Variants in DOCK9 observed in about 807,000 individuals in gnomAD.
DOCK9 encodes the protein dedicator of cytokinesis 9, also known as dedicator of cytokinesis protein 9.
A neutral mutation model predicts 263.3 loss-of-function variants in DOCK9; 89 were observed. The ratio of observed to expected loss-of-function variants is 0.34; its 90% CI spans 0.28 to 0.40. The LOEUF (loss-of-function observed/expected upper bound fraction) is 0.40, where lower values mean the gene tolerates loss of function less well. Among genes scored for constraint, DOCK9 ranks in the 10% least tolerant of loss-of-function variants. The pLI is 1.00. For missense variants in DOCK9, 2,140 were observed against 2,603.4 expected (o/e 0.82, Z 3.87); for synonymous variants, 976 against 973.1 (o/e 1.00, Z -0.06).
intron 1 of DOCK9, among the ~76,000 whole-genome samples, chr13:99,050,299 T>C (rs1331598186): frequency 6.6e-6 from 1 of 152,160 alleles, no homozygotes; most frequent in African/African-American, 2.4e-5. Flanking sequence ...GCAAAACCAC[T>C]TCCCCTTGCA....
chr13:98,974,986 A>C (rs2060095737), intron 1 of DOCK9, among the ~76,000 whole-genome samples: 1 of 152,206 alleles, frequency 6.6e-6, no homozygotes, highest in Admixed American at 6.5e-5. Flanking sequence ...ACTTACAGGT[A>C]CATTTATGGT....
In DOCK9 at chr13:98,894,281, T is replaced by C. The variant is rs140365652; in HGVS notation, c.1709+3207A>G. Among the ~76,000 whole-genome samples the C allele has an allele frequency of 3.9e-4, 60 of 152,298 alleles. No homozygotes were observed. The East Asian group carries it at 0.01, about 25-fold the overall frequency. On this transcript the variant is annotated intron_variant, in intron 15 of 52. Coordinates refer to ENST00000682017, the MANE Select transcript of DOCK9 (RefSeq NM_001366683.2). Reference sequence around the variant, plus strand: ...TTGTTTTGTCTGAATATAAAAGTGTTAGTTTTTTAAAAGTTCATATAAAAA... The same window carrying C: ...TTGTTTTGTCTGAATATAAAAGTGTCAGTTTTTTAAAAGTTCATATAAAAA...
intron 1 of DOCK9, among the ~76,000 whole-genome samples, chr13:99,054,088 C>A (rs923263873): frequency 2.0e-5 from 3 of 152,166 alleles, no homozygotes; most frequent in African/African-American, 7.2e-5. Context: ...CACTGTAAGA[C>A]ACTGCAATTC....
At chr13:98,884,822 G>T in intron 21 of DOCK9, 149 bp downstream of exon 21, 1 of 1,024,760 alleles carries the variant, frequency 9.8e-7, no homozygotes, top group Non-Finnish European at 1.4e-6. Flanking sequence ...GTCTTCAATT[G>T]GCCAAAGTTT....
intron 1 of DOCK9, among the ~76,000 whole-genome samples, chr13:99,080,582 C>G (rs998938991): frequency 6.6e-6 from 1 of 152,236 alleles, no homozygotes; most frequent in Non-Finnish European, 1.5e-5. Flanking sequence ...CCGCTCTGCT[C>G]CTTCTTGGTC....
At chr13:99,029,187 A>G (rs1419855081) in intron 1 of DOCK9, among the ~76,000 whole-genome samples, 5 of 152,200 alleles carry the variant, frequency 3.3e-5, no homozygotes, top group Non-Finnish European at 7.3e-5. Flanking sequence ...TTACAGAACC[A>G]GCCTTGTTAC....
intron 1 of DOCK9, chr13:99,015,856 C>T: frequency 9.7e-7 from 1 of 1,033,612 alleles, no homozygotes; most frequent in Non-Finnish European, 1.2e-6. Flanking sequence ...ACCTCGGATG[C>T]ACCAAACCTT....
chr13:98,882,971 C>T, intron 23 of DOCK9, 71 bp downstream of exon 23: 1 of 1,310,412 alleles, frequency 7.6e-7, no homozygotes, highest in Non-Finnish European at 1.1e-6. Flanking sequence ...GAACACCACT[C>T]ACCACCAAAG....
At chr13:98,833,085 T>A (rs1056101138) in intron 39 of DOCK9, 1 of 152,092 alleles carries the variant, frequency 6.6e-6, no homozygotes, top group African/African-American at 2.4e-5. Context: ...AGGTACCATA[T>A]TGAATTCCGT....
rs914869717 is a variant in DOCK9 at position 98,794,534 on chromosome 13, C to T, written c.*92G>A. The T allele has an allele frequency of 1.1e-5, 15 of 1,394,488 alleles. No individual in the cohort carries two copies. In the African/African-American group the frequency reaches 1.7e-4, roughly 16 times the overall value. 86.4% of individuals were successfully genotyped at this position (1,394,488 alleles called of 1,614,324 possible). ...TCTCTCCCCTTCCCCTTGGTCCTCC[C>T]TGTGCTCGGTCTCCCCAGTGATTGG... On this transcript the variant is annotated 3_prime_UTR_variant, in exon 53 of 53. Transcript: ENST00000682017.
At chr13:98,887,550 T>A (rs1268054921) in intron 18 of DOCK9, among the ~76,000 whole-genome samples, 2 of 135,448 alleles carry the variant, frequency 1.5e-5, no homozygotes, top group Middle Eastern at 4.3e-3. Context: ...TGGGAGGCAG[T>A]GCTTGCAGTG....
chr13:98,810,603 G>T (rs2091217444), intron 45 of DOCK9, among the ~76,000 whole-genome samples: 1 of 152,144 alleles, frequency 6.6e-6, no homozygotes, highest in Admixed American at 6.5e-5. Flanking sequence ...CTCAATTTTT[G>T]TTCCTAGTTG....
intron 1 of DOCK9, among the ~76,000 whole-genome samples, chr13:99,028,828 C>T (rs760378043): frequency 2.0e-5 from 3 of 152,134 alleles, no homozygotes; most frequent in African/African-American, 4.8e-5. Context: ...TTCTGTTAGA[C>T]GAAAAGAAAG....
At chr13:98,914,288 C>T (rs376617211) in intron 9 of DOCK9, 40 bp downstream of exon 9, 320 of 1,539,312 alleles carry the variant, frequency 2.1e-4, no homozygotes, top group Middle Eastern at 6.7e-4. Flanking sequence ...CATACTTCAA[C>T]AGCATTCAAC....
In DOCK9 at chr13:98,845,907, C is replaced by A; in HGVS notation, c.4198+17G>T. On this transcript the variant is annotated intron_variant, in intron 38 of 52. Transcript: ENST00000682017. ...ATGAGATGGCTGGCTGTTACGATGGCATGTCATGGGACTTACTGTGGTTAA... is the reference window on the plus strand; with the variant it reads ...ATGAGATGGCTGGCTGTTACGATGGAATGTCATGGGACTTACTGTGGTTAA... 1 of 1,612,166 alleles carries A rather than the reference C, an allele frequency of 6.2e-7. No individual in the cohort carries two copies. Among genetic ancestry groups the A allele is most frequent in the East Asian group, 2.2e-5 (1 of 44,840 alleles).
intron 1 of DOCK9, among the ~76,000 whole-genome samples, chr13:99,015,244 T>C (rs1217387398): frequency 6.6e-6 from 1 of 152,234 alleles, no homozygotes; most frequent in Non-Finnish European, 1.5e-5. Context: ...TCTCTGTATG[T>C]ATTTAGCTTT....
At chr13:98,806,617 T>C (rs1449543491) in intron 48 of DOCK9, among the ~76,000 whole-genome samples, 1 of 152,096 alleles carries the variant, frequency 6.6e-6, no homozygotes, top group Non-Finnish European at 1.5e-5. Context: ...TCATAGAAAG[T>C]TATTATTTGG....
At chr13:98,891,159 T>G (rs868505190) in intron 15 of DOCK9, among the ~76,000 whole-genome samples, 1 of 152,136 alleles carries the variant, frequency 6.6e-6, no homozygotes, top group East Asian at 1.9e-4. Context: ...TGAGAGCTTT[T>G]GACCCAGCAT....
intron 49 of DOCK9, among the ~76,000 whole-genome samples, chr13:98,803,262 A>C (rs1362277388): frequency 6.6e-6 from 1 of 152,218 alleles, no homozygotes; most frequent in East Asian, 1.9e-4. Flanking sequence ...AGTAGTCTCT[A>C]ACAAAATGAT....
Sources: gnomAD v4.1 joint callset for allele counts (sites outside exome capture counted in the v4.1 genomes callset) on GRCh38, gnomAD v4.1.1 for gene constraint, MANE v1.5 for transcripts, NCBI Gene and HGNC (gene_info 2026-07-23, HGNC 2026-07-21) for gene names.